TEX10: variants seen among roughly 807,000 people sequenced by gnomAD.
TEX10 encodes the protein testis-expressed protein 10.
A neutral mutation model predicts 104.4 loss-of-function variants in TEX10; 24 were observed. That is an observed-to-expected ratio of 0.23 (90% CI 0.17 to 0.32). TEX10 has a LOEUF of 0.32. TEX10 is among the 10% of genes least tolerant of loss of function. TEX10 has a pLI of 1.00. For missense variants in TEX10, 921 were observed against 1,083.9 expected (o/e 0.85, Z 2.11); for synonymous variants, 396 against 393.4 (o/e 1.01, Z -0.08).
At chr9:100,323,401 G>A (rs991488029) in intron 9 of TEX10, among the ~76,000 whole-genome samples, 2 of 152,142 alleles carry the variant, frequency 1.3e-5, no homozygotes, top group Non-Finnish European at 2.9e-5. Flanking sequence ...CTTGGTGCAA[G>A]CCAATTTCTC....
chr9:100,313,845 CAAAA>C (rs34304010), intron 11 of TEX10, among the ~76,000 whole-genome samples: 5 of 90,720 alleles, frequency 5.5e-5, no homozygotes, highest in South Asian at 3.6e-4. Flanking sequence ...ACTGTGTTTC[CAAAA>C]AAAAAAAAAA....
chr9:100,331,954 G>C (rs1388271459), intron 5 of TEX10, among the ~76,000 whole-genome samples: 1 of 152,184 alleles, frequency 6.6e-6, no homozygotes, highest in Non-Finnish European at 1.5e-5. Flanking sequence ...GACAGGAGGA[G>C]TAATCATTAA....
At chr9:100,321,428 G>C (rs1043122893) in intron 10 of TEX10, among the ~76,000 whole-genome samples, 2 of 152,040 alleles carry the variant, frequency 1.3e-5, no homozygotes, top group Non-Finnish European at 2.9e-5. Flanking sequence ...TTCAAATAAT[G>C]CTCAGGGTTT....
chr9:100,327,954 C>T lies in TEX10; in HGVS notation c.1634G>A (p.Ser545Asn), dbSNP rs768942726. 1 of 1,559,448 alleles carries T rather than the reference C, an allele frequency of 6.4e-7. No individual in the cohort carries two copies. Among genetic ancestry groups the T allele is most frequent in the South Asian group, 1.2e-5 (1 of 80,928 alleles). ...AGCCAGCCAACGGGATAACACTTTA[C>T]TACGATATCTTAGAAAGGCCAAAGA... ...ELRSCRFRYRSKVLSRWLAGL... is the reference protein window; with the variant it reads ...ELRSCRFRYRNKVLSRWLAGL... Residue 545 changes from serine (S) to asparagine (N), a missense_variant, in exon 8 of 15, where the codon AGT becomes AAT. Ser to Asn is a conservative substitution (Grantham distance 46). Coordinates refer to ENST00000374902, the MANE Select transcript of TEX10 (RefSeq NM_017746.4).
intron 11 of TEX10, among the ~76,000 whole-genome samples, chr9:100,311,656 G>T (rs1170921836): frequency 6.6e-6 from 1 of 152,002 alleles, no homozygotes; most frequent in Non-Finnish European, 1.5e-5. Context: ...TTCTCTAAAG[G>T]TAAAAAAGAA....
chr9:100,303,951 T>C, intron 13 of TEX10, 109 bp from the exon 14 acceptor site: 2 of 1,092,604 alleles, frequency 1.8e-6, no homozygotes, highest in Non-Finnish European at 2.7e-6. Context: ...TGTTTTCCAA[T>C]AACATTTAAA....
chr9:100,308,365 A>G (rs980794257), intron 13 of TEX10, 135 bp downstream of exon 13: 21 of 678,078 alleles, frequency 3.1e-5, no homozygotes, highest in African/African-American at 2.8e-4. Context: ...AAAGCTAGCT[A>G]GGCTGACACA....
chr9:100,346,202 A>G lies in TEX10; in HGVS notation c.1007T>C (p.Val336Ala). 1 of 1,614,098 alleles carries G rather than the reference A, an allele frequency of 6.2e-7. No homozygotes were observed. The highest frequency in any genetic ancestry group is 8.5e-7 in the Non-Finnish European group (1 of 1,179,972). Residue 336 changes from valine to alanine, a missense_variant, in exon 4 of 15, where the codon GTA becomes GCA. Val to Ala is a moderately conservative substitution (Grantham distance 64). Around this residue, in one of 3 missense-constraint regions of TEX10, gnomAD observed 753 missense variants for 868.4 expected, o/e 0.87. Coordinates refer to ENST00000374902, the MANE Select transcript of TEX10 (RefSeq NM_017746.4). ...AACAGGAGTAGCTAGTTGTGGAGGT[A>G]CAGCTTCAACCCAGCATTCAATTAG... ...PLLIECWVEA[V>A]PPQLATPVGN...
At chr9:100,312,047 T>A (rs1053700232) in intron 11 of TEX10, among the ~76,000 whole-genome samples, 1 of 152,194 alleles carries the variant, frequency 6.6e-6, no homozygotes, top group Non-Finnish European at 1.5e-5. Context: ...TACCCAGATA[T>A]TTTACTTGGT....
At position 100,329,923 on chromosome 9, in the gene TEX10, T is replaced by C. The variant is rs745568637; in HGVS notation, c.1489+8A>G. The C allele has an allele frequency of 1.3e-6, 2 of 1,599,092 alleles. No homozygotes were observed. The highest frequency in any genetic ancestry group is 8.5e-7 in the Non-Finnish European group (1 of 1,170,904). ...ACTCTTAAATAAGGGCAAAGTAGCA[T>C]CACCTACCTCTGTTTGGCTGTATTT... is the stretch of plus-strand genomic sequence containing the variant. On this transcript the variant is annotated splice_region_variant and intron_variant, in intron 6 of 14. Transcript: ENST00000374902.
At chr9:100,302,455 A>T (rs974677127) in intron 14 of TEX10, 151 bp from the exon 15 acceptor site, 2 of 554,254 alleles carry the variant, frequency 3.6e-6, no homozygotes, top group Non-Finnish European at 6.4e-6. Flanking sequence ...GGAAACAGGG[A>T]ACTATTAATT....
At chr9:100,329,601 T>C (rs1834801933) in intron 6 of TEX10, among the ~76,000 whole-genome samples, 1 of 152,194 alleles carries the variant, frequency 6.6e-6, no homozygotes, top group Non-Finnish European at 1.5e-5. Context: ...TGACTTAATA[T>C]AACTTAACCT....
intron 13 of TEX10, chr9:100,304,058 T>C (rs1178604319): frequency 7.0e-6 from 4 of 572,918 alleles, no homozygotes; most frequent in Non-Finnish European, 1.2e-5. Context: ...GAAAGATCTC[T>C]ACAAGAAAAA....
chr9:100,347,964 T>C (rs1835344186), intron 2 of TEX10, among the ~76,000 whole-genome samples: 1 of 152,202 alleles, frequency 6.6e-6, no homozygotes, highest in African/African-American at 2.4e-5. Context: ...CAAATATTCA[T>C]AACAGCATTA....
At chr9:100,336,443 A>G (rs977549348) in intron 5 of TEX10, among the ~76,000 whole-genome samples, 3 of 152,170 alleles carry the variant, frequency 2.0e-5, no homozygotes, top group African/African-American at 7.2e-5. Context: ...TCATAGGAGC[A>G]TGAACCCTAT....
chr9:100,306,768 C>A (rs527937180), intron 13 of TEX10: 1 of 152,276 alleles, frequency 6.6e-6, no homozygotes, highest in East Asian at 1.9e-4. Flanking sequence ...GTATAGAATA[C>A]CCCTACAACT....
At chr9:100,340,192 T>A in intron 5 of TEX10, 65 bp downstream of exon 5, 3 of 968,036 alleles carry the variant, frequency 3.1e-6, no homozygotes, top group Non-Finnish European at 4.5e-6. Context: ...TAAGGTTAAT[T>A]ACTTCCTGAT....
intron 4 of TEX10, among the ~76,000 whole-genome samples, chr9:100,343,110 C>A (rs1012293890): frequency 6.6e-6 from 1 of 150,956 alleles, no homozygotes; most frequent in African/African-American, 2.4e-5. Flanking sequence ...GCACTCCAGC[C>A]TGGGCGACTG....
At chr9:100,347,483 T>C in intron 2 of TEX10, 77 bp from the exon 3 acceptor site, 1 of 1,149,652 alleles carries the variant, frequency 8.7e-7, no homozygotes, top group Non-Finnish European at 1.2e-6. Flanking sequence ...TAACTAACAC[T>C]ACACTAGTAA....
Sources: gnomAD v4.1 joint callset for allele counts (sites outside exome capture counted in the v4.1 genomes callset) on GRCh38, gnomAD v4.1.1 for gene constraint, gnomAD v4.1.1 regional missense constraint, MANE v1.5 for transcripts, NCBI Gene and HGNC (gene_info 2026-07-23, HGNC 2026-07-21) for gene names.